The following USP32 variants were observed in gnomAD, a reference collection of about 807,000 sequenced individuals.
USP32 encodes the protein ubiquitin carboxyl-terminal hydrolase 32.
Under a neutral mutation model 204.8 loss-of-function variants are expected in USP32, and 59 were observed. The observed-to-expected ratio is 0.29, with a 90% CI of 0.23 to 0.36. The LOEUF (loss-of-function observed/expected upper bound fraction) is 0.36. Among genes scored for constraint, USP32 ranks in the 10% least tolerant of loss-of-function variants. USP32 has a pLI of 1.00. For synonymous variants in USP32, 517 were observed against 678.4 expected (o/e 0.76, Z 3.70); for missense variants, 1,160 against 1,946.4 (o/e 0.60, Z 7.60).
At chr17:60,195,719 T>G (rs2084497617) in intron 27 of USP32, among the ~76,000 whole-genome samples, 1 of 152,230 alleles carries the variant, frequency 6.6e-6, no homozygotes, top group African/African-American at 2.4e-5. Context: ...AGTTCATGTA[T>G]AGATGATGGG....
At chr17:60,418,396 G>GTTTTTTT (rs569143215) in intron 1 of USP32, among the ~76,000 whole-genome samples, 2 of 118,412 alleles carry the variant, frequency 1.7e-5, no homozygotes. Context: ...CCTGGCCTCT[G>GTTTTTTT]TTTTTTTTTT....
chr17:60,271,844 C>T (rs1032472817), intron 5 of USP32, among the ~76,000 whole-genome samples: 3 of 149,526 alleles, frequency 2.0e-5, no homozygotes, highest in Non-Finnish European at 1.5e-5. Flanking sequence ...GGGTTTTGCT[C>T]TGTCACTCCC....
intron 1 of USP32, among the ~76,000 whole-genome samples, chr17:60,420,957 T>C (rs1466143757): frequency 2.0e-5 from 3 of 152,202 alleles, no homozygotes; most frequent in Non-Finnish European, 4.4e-5. Flanking sequence ...ACACTGCAAT[T>C]GTTTCCAAAT....
chr17:60,405,560 G>A (rs1408849159), intron 1 of USP32, among the ~76,000 whole-genome samples: 3 of 151,968 alleles, frequency 2.0e-5, no homozygotes, highest in Admixed American at 6.6e-5. Flanking sequence ...CCAAGAATTC[G>A]AGACCAGCAT....
intron 2 of USP32, among the ~76,000 whole-genome samples, chr17:60,337,057 G>A (rs1426049241): frequency 1.3e-5 from 2 of 152,102 alleles, no homozygotes; most frequent in Non-Finnish European, 2.9e-5. Context: ...CCTTAATGCT[G>A]GTAAGTCCAA....
At chr17:60,298,082 T>C (rs1160027799) in intron 3 of USP32, among the ~76,000 whole-genome samples, 1 of 152,166 alleles carries the variant, frequency 6.6e-6, no homozygotes, top group East Asian at 1.9e-4. Flanking sequence ...CATTTAAATA[T>C]TAAGTCTCCA....
Position 60,226,161 on chromosome 17 carries a change from G to T in USP32, c.1310C>A (p.Ala437Asp). The change falls in exon 13 of 34, where the codon GCC becomes GAC. Residue 437 changes from alanine (A) to aspartate (D), a missense_variant. This residue lies in a region of USP32 where 536 missense variants were observed against 680.9 expected (regional missense o/e 0.79). Transcript: ENST00000300896. ...NGGKYSFGTA[A>D]HPMEQVEDRI... Reference sequence around the variant, plus strand: ...ATCTTCGACCTGCTCCATAGGATGGGCTGCAGTTCCAAATGAGTATTTTCC... The same window carrying T: ...ATCTTCGACCTGCTCCATAGGATGGTCTGCAGTTCCAAATGAGTATTTTCC... The T allele has an allele frequency of 1.9e-6, 3 of 1,602,976 alleles. No individual in the cohort carries two copies. The East Asian group carries it at 6.8e-5, about 36-fold the overall frequency.
intron 1 of USP32, among the ~76,000 whole-genome samples, chr17:60,364,467 C>T (rs1346722362): frequency 6.6e-6 from 1 of 152,194 alleles, no homozygotes; most frequent in African/African-American, 2.4e-5. Flanking sequence ...GCAACCTTTG[C>T]CTCCCAAGTT....
chr17:60,418,173 G>A (rs1423415338), intron 1 of USP32, among the ~76,000 whole-genome samples: 1 of 151,820 alleles, frequency 6.6e-6, no homozygotes, highest in Admixed American at 6.6e-5. Flanking sequence ...AGTCAGGCTG[G>A]TCTCAAACTC....
chr17:60,223,551 A>C lies in USP32; in HGVS notation c.1468T>G (p.Cys490Gly), dbSNP rs376228034. The C allele has an allele frequency of 1.2e-6, 2 of 1,611,458 alleles. No homozygotes were observed. Among genetic ancestry groups the C allele is most frequent in the African/African-American group, 2.7e-5 (2 of 74,808 alleles). The change falls in exon 14 of 34, where the codon TGC becomes GGC. Residue 490 changes from cysteine to glycine, a missense_variant. Cys to Gly is a radical substitution (Grantham distance 159). Transcript: ENST00000300896. ...LYSATPGADV[C>G]FARQHNTSDN... is the part of the protein sequence containing the mutation. Reference sequence around the variant, plus strand: ...GAAGTGTTATGTTGTCGAGCAAAGCAAACATCTGCCCCTGGTGTGGCAGAA... The same window carrying C: ...GAAGTGTTATGTTGTCGAGCAAAGCCAACATCTGCCCCTGGTGTGGCAGAA...
chr17:60,363,071 C>G (rs1165303360), intron 1 of USP32, among the ~76,000 whole-genome samples: 3 of 152,062 alleles, frequency 2.0e-5, no homozygotes, highest in Non-Finnish European at 4.4e-5. Flanking sequence ...GGGAAGATCA[C>G]ATGAGACCAA....
chr17:60,338,990 A>T (rs1284660567), intron 2 of USP32, among the ~76,000 whole-genome samples: 1 of 151,870 alleles, frequency 6.6e-6, no homozygotes, highest in African/African-American at 2.4e-5. Context: ...GCTGATTGCA[A>T]CCTCTGTCTC....
chr17:60,237,194 G>A (rs2085753582), intron 11 of USP32, among the ~76,000 whole-genome samples: 1 of 151,614 alleles, frequency 6.6e-6, no homozygotes, highest in Admixed American at 6.6e-5. Flanking sequence ...AGGCTGGAGT[G>A]CAGTGGTGCA....
intron 1 of USP32, among the ~76,000 whole-genome samples, chr17:60,349,592 A>ATATATATATATAT (rs1184476036): frequency 2.0e-5 from 1 of 49,372 alleles, no homozygotes; most frequent in African/African-American, 1.5e-4. Context: ...AAAAAAAAAA[A>ATATATATATATAT]AAAAATATAT....
intron 2 of USP32, among the ~76,000 whole-genome samples, chr17:60,329,118 T>C (rs2088316010): frequency 6.6e-6 from 1 of 152,178 alleles, no homozygotes; most frequent in Non-Finnish European, 1.5e-5. Flanking sequence ...TCCATAAATA[T>C]GTATAATTAT....
chr17:60,379,403 C>T (rs558524439), intron 1 of USP32, among the ~76,000 whole-genome samples: 57 of 152,094 alleles, frequency 3.7e-4, no homozygotes, highest in Non-Finnish European at 7.1e-4. Context: ...CTACTACATT[C>T]CAGATTTAGG....
intron 13 of USP32, among the ~76,000 whole-genome samples, chr17:60,224,642 G>A (rs571677999): frequency 5.3e-5 from 8 of 152,326 alleles, no homozygotes; most frequent in African/African-American, 1.9e-4. Flanking sequence ...AATTAGCTGT[G>A]TGTGGCAGTG....
intron 11 of USP32, among the ~76,000 whole-genome samples, chr17:60,239,160 C>G (rs1301971786): frequency 3.3e-5 from 5 of 152,170 alleles, no homozygotes; most frequent in Non-Finnish European, 7.3e-5. Context: ...TACCATCCCA[C>G]TCACTTCTGG....
chr17:60,196,874 TATTTAAATCTTTAA>T (rs2084533935), intron 27 of USP32, among the ~76,000 whole-genome samples: 1 of 152,062 alleles, frequency 6.6e-6, no homozygotes, highest in Non-Finnish European at 1.5e-5. Context: ...AGTAAAGATT[TATTTAAATCTTTAA>T]ATTTAAATCT....
Sources: allele counts gnomAD v4.1 joint callset (sites outside exome capture counted in the v4.1 genomes callset), GRCh38; gene constraint gnomAD v4.1.1; regional missense constraint gnomAD v4.1.1; transcripts MANE v1.5; gene names NCBI Gene and HGNC (gene_info 2026-07-23, HGNC 2026-07-21).